SPTLC2: variants seen among roughly 807,000 people sequenced by gnomAD.
The protein encoded by SPTLC2 is serine palmitoyltransferase long chain base subunit 2.
A neutral mutation model predicts 62.0 loss-of-function variants in SPTLC2; 21 were observed. The observed-to-expected ratio is 0.34, with a 90% CI of 0.24 to 0.49. SPTLC2 has a LOEUF of 0.49. SPTLC2 is among the 20% of genes least tolerant of loss of function. The pLI is 0.99. For synonymous variants in SPTLC2, 261 were observed against 261.8 expected (o/e 1.00, Z 0.03); for missense variants, 511 against 713.0 (o/e 0.72, Z 3.23).
At chr14:77,524,668 C>T (rs981444757) in intron 9 of SPTLC2, among the ~76,000 whole-genome samples, 2 of 152,122 alleles carry the variant, frequency 1.3e-5, no homozygotes, top group African/African-American at 4.8e-5. Context: ...GGAATACTAT[C>T]CAGCCATGAA....
intron 9 of SPTLC2, among the ~76,000 whole-genome samples, chr14:77,539,483 CTTTTTTTTTTT>C (rs71128638): frequency 9.9e-4 from 53 of 53,466 alleles, no homozygotes; most frequent in Non-Finnish European, 1.6e-3. Flanking sequence ...TCTTAAGAGG[CTTTTTTTTTTT>C]TTTTTTTTTT....
chr14:77,552,720 C>T (rs1049268975), intron 8 of SPTLC2, among the ~76,000 whole-genome samples: 6 of 150,018 alleles, frequency 4.0e-5, no homozygotes, highest in Non-Finnish European at 7.4e-5. Flanking sequence ...GCAGGAGAAT[C>T]GCTTGAACCT....
intron 5 of SPTLC2, among the ~76,000 whole-genome samples, chr14:77,566,954 T>A (rs1335188738): frequency 6.6e-6 from 1 of 152,028 alleles, no homozygotes; most frequent in African/African-American, 2.4e-5. Flanking sequence ...ATATTTCAAT[T>A]ATAGTTTGAT....
intron 1 of SPTLC2, among the ~76,000 whole-genome samples, chr14:77,612,393 TAAAGA>T (rs944485631): frequency 1.3e-5 from 2 of 152,232 alleles, no homozygotes; most frequent in African/African-American, 4.8e-5. Flanking sequence ...GAATTCCTGT[TAAAGA>T]AAATTCCTGA....
chr14:77,571,005 T>G (rs1431109097), intron 4 of SPTLC2, among the ~76,000 whole-genome samples: 1 of 152,104 alleles, frequency 6.6e-6, no homozygotes, highest in Non-Finnish European at 1.5e-5. Context: ...AGCCAGCCCT[T>G]AGCCCTTCCT....
chr14:77,562,629 G>A, intron 5 of SPTLC2, 140 bp from the exon 6 acceptor site: 3 of 662,852 alleles, frequency 4.5e-6, no homozygotes, highest in Non-Finnish European at 5.2e-6. Context: ...ATTTTAAGAA[G>A]AGGAAAAAGG....
chr14:77,599,939 A>C (rs2079868345), intron 1 of SPTLC2, among the ~76,000 whole-genome samples: 1 of 152,224 alleles, frequency 6.6e-6, no homozygotes, highest in South Asian at 2.1e-4. Flanking sequence ...GTTTAATACC[A>C]GTGCTGAACT....
In SPTLC2 at chr14:77,605,546, G is replaced by A. The variant is rs376460477; in HGVS notation, c.133-8166C>T. Reference sequence around the variant, plus strand: ...TCCAGAGGGAGAAGAGGCCTCTCTAGGTGAGCTGAAAGTGCCAGCCATTTC... The same window carrying A: ...TCCAGAGGGAGAAGAGGCCTCTCTAAGTGAGCTGAAAGTGCCAGCCATTTC... On this transcript the variant is annotated intron_variant, in intron 1 of 11. Transcript: ENST00000216484. Among the ~76,000 whole-genome samples the A allele has an allele frequency of 2.6e-5, 4 of 152,228 alleles. No individual in the cohort carries two copies. The East Asian group carries it at 7.7e-4, about 29-fold the overall frequency.
intron 1 of SPTLC2, among the ~76,000 whole-genome samples, chr14:77,606,160 T>C (rs1042774862): frequency 2.6e-5 from 4 of 152,128 alleles, no homozygotes; most frequent in African/African-American, 7.2e-5. Context: ...TGAAACCCTC[T>C]CTCTACTGAA....
Position 77,595,124 on chromosome 14 carries a change from G to A in SPTLC2, c.327+2062C>T, listed in dbSNP as rs143435925. Among the ~76,000 whole-genome samples the A allele has an allele frequency of 1.9e-3, 284 of 152,288 alleles. 2 individuals carry two copies. Among genetic ancestry groups the A allele is most frequent in the African/African-American group, 6.7e-3 (277 of 41,550 alleles). ...CGCATCTGTAATCCCAGCACTTTGG[G>A]AGGCCGAGGCAGGTGGATCGTTTGA... On this transcript the variant is annotated intron_variant, in intron 2 of 11. Coordinates refer to ENST00000216484, the MANE Select transcript of SPTLC2 (RefSeq NM_004863.4).
chr14:77,544,846 A>G (rs2079519560), intron 9 of SPTLC2, among the ~76,000 whole-genome samples: 1 of 152,144 alleles, frequency 6.6e-6, no homozygotes, highest in Non-Finnish European at 1.5e-5. Flanking sequence ...CTGGTATCTT[A>G]TCACCCTGGC....
intron 9 of SPTLC2, among the ~76,000 whole-genome samples, chr14:77,546,034 T>G (rs2079526411): frequency 6.6e-6 from 1 of 152,350 alleles, no homozygotes; most frequent in African/African-American, 2.4e-5. Flanking sequence ...TTTCATTTGT[T>G]GGGCTGATTA....
chr14:77,530,607 T>A (rs1158301169), intron 9 of SPTLC2, among the ~76,000 whole-genome samples: 1 of 152,164 alleles, frequency 6.6e-6, no homozygotes, highest in East Asian at 1.9e-4. Context: ...CAATACACCA[T>A]ATAAGTAACT....
chr14:77,616,634 G>A lies in SPTLC2; in HGVS notation c.-55C>T, dbSNP rs1465729059. 6 of 1,509,788 alleles carry A rather than the reference G, an allele frequency of 4.0e-6. No homozygotes were observed. The highest frequency in any genetic ancestry group is 2.0e-5 in the Admixed American group (1 of 50,820). The allele number at this position is 1,509,788 out of a possible 1,614,324, so 93.5% of individuals were successfully genotyped here. On this transcript the variant is annotated 5_prime_UTR_variant, in exon 1 of 12. Coordinates refer to ENST00000216484, the MANE Select transcript of SPTLC2 (RefSeq NM_004863.4). ...CTCTGTAGGCGGTGGCAGCGGCGGCGGCTGCTCCAAGTCCCGCTCCGCACC... is the reference window on the plus strand; with the variant it reads ...CTCTGTAGGCGGTGGCAGCGGCGGCAGCTGCTCCAAGTCCCGCTCCGCACC...
chr14:77,574,282 G>C (rs1331946422), intron 4 of SPTLC2, among the ~76,000 whole-genome samples: 5 of 152,134 alleles, frequency 3.3e-5, no homozygotes, highest in South Asian at 2.1e-4. Flanking sequence ...CCCTAGAGAA[G>C]CTTAAAAACC....
intron 9 of SPTLC2, among the ~76,000 whole-genome samples, chr14:77,534,226 A>G (rs1250434497): frequency 1.3e-5 from 2 of 150,610 alleles, no homozygotes; most frequent in Middle Eastern, 3.4e-3. Context: ...ACACAAATGC[A>G]TATCTATAAA....
At chr14:77,514,013 C>G (rs904658305) in intron 11 of SPTLC2, among the ~76,000 whole-genome samples, 1 of 151,526 alleles carries the variant, frequency 6.6e-6, no homozygotes, top group Non-Finnish European at 1.5e-5. Context: ...CCAGCCTGGG[C>G]AACATAGTAA....
At chr14:77,603,051 A>G (rs1236538781) in intron 1 of SPTLC2, among the ~76,000 whole-genome samples, 1 of 152,232 alleles carries the variant, frequency 6.6e-6, no homozygotes, top group East Asian at 1.9e-4. Flanking sequence ...AATGATCCTG[A>G]ATAAAGGTTT....
At chr14:77,587,220 G>A (rs549359205) in intron 2 of SPTLC2, among the ~76,000 whole-genome samples, 5 of 148,714 alleles carry the variant, frequency 3.4e-5, no homozygotes, top group Non-Finnish European at 7.4e-5. Flanking sequence ...GACAGAACGA[G>A]ACTCAGTCTC....
Sources: allele counts gnomAD v4.1 joint callset (sites outside exome capture counted in the v4.1 genomes callset), GRCh38; gene constraint gnomAD v4.1.1; transcripts MANE v1.5; gene names NCBI Gene and HGNC (gene_info 2026-07-23, HGNC 2026-07-21).